Variants in PTPRG observed in about 807,000 individuals in gnomAD.
PTPRG encodes the protein receptor-type tyrosine-protein phosphatase gamma.
In PTPRG, 102 loss-of-function variants were observed where a neutral mutation model predicts 165.3. That is an observed-to-expected ratio of 0.62 (90% confidence interval 0.53 to 0.73). PTPRG has a LOEUF of 0.73. Among genes scored for constraint, PTPRG ranks in the 30% least tolerant of loss-of-function variants. The pLI is 0.00. For synonymous variants in PTPRG, 675 were observed against 669.5 expected (o/e 1.01, Z -0.13); for missense variants, 1,866 against 1,861.4 (o/e 1.00, Z -0.05).
At chr3:61,863,198 C>G (rs1157952176) in intron 2 of PTPRG, among the ~76,000 whole-genome samples, 1 of 152,178 alleles carries the variant, frequency 6.6e-6, no homozygotes, top group African/African-American at 2.4e-5. Flanking sequence ...GGGGCTTCCC[C>G]CTCTTTGAGC....
At chr3:61,997,104 A>C (rs901820833) in intron 3 of PTPRG, among the ~76,000 whole-genome samples, 6 of 152,220 alleles carry the variant, frequency 3.9e-5, no homozygotes, top group Non-Finnish European at 8.8e-5. Context: ...TCAGTTTAGC[A>C]GTGAGTTAAC....
chr3:61,798,760 A>T (rs1219994158), intron 2 of PTPRG, among the ~76,000 whole-genome samples: 1 of 151,926 alleles, frequency 6.6e-6, no homozygotes, highest in Non-Finnish European at 1.5e-5. Flanking sequence ...AGCCCATCTG[A>T]TAACTCAAGA....
At position 62,271,191 on chromosome 3, in the gene PTPRG, A is replaced by C. The variant is rs988185515; in HGVS notation, c.3010-192A>C. Among the ~76,000 whole-genome samples the C allele has an allele frequency of 6.6e-6, 1 of 152,224 alleles. No homozygotes were observed. The highest frequency in any genetic ancestry group is 2.4e-5 in the African/African-American group (1 of 41,460). ...GTCTTCTCTTCTAAGTGATAGTGAC[A>C]CTTCATATCCAGCTTGGTAATGTCT... On this transcript the variant is annotated intron_variant, in intron 20 of 29. Transcript: ENST00000474889. The surrounding 1 kb of genome is among the most constrained non-coding windows in gnomAD (Gnocchi z 4.1).
chr3:61,820,257 T>C (rs1456551371), intron 2 of PTPRG, among the ~76,000 whole-genome samples: 2 of 152,190 alleles, frequency 1.3e-5, no homozygotes, highest in African/African-American at 4.8e-5. Flanking sequence ...TTCCCATCTC[T>C]CTTGGAGGCC....
rs60282456 is a variant in PTPRG, at chr3:61,887,170, A to ATATATATATATATATATT, written c.191-102454_191-102453insATATATATATATATATTT. 1.7e-5 allele frequency among the ~76,000 whole-genome samples: 2 copies of ATATATATATATATATATT among 115,526 alleles called. 1 individual carries two copies. The highest frequency in any genetic ancestry group is 6.6e-4 in the East Asian group (2 of 3,028). 75.8% of individuals were successfully genotyped at this position (115,526 alleles called of 152,430 possible). On this transcript the variant is annotated intron_variant, in intron 2 of 29. Transcript: ENST00000474889. ...TATATATATATATATATATATATATATTTTTAATGCCATCATCAAACACTC... is the reference window on the plus strand; with the variant it reads ...TATATATATATATATATATATATATATATATATATATATATATTTTTTTAATGCCATCATCAAACACTC...
At chr3:62,058,407 G>C (rs1700700142) in intron 4 of PTPRG, among the ~76,000 whole-genome samples, 1 of 152,028 alleles carries the variant, frequency 6.6e-6, no homozygotes, top group African/African-American at 2.4e-5. Context: ...CTAACCTCAA[G>C]TGATCTTCCC....
intron 8 of PTPRG, among the ~76,000 whole-genome samples, chr3:62,186,817 A>C (rs1362639671): frequency 6.6e-6 from 1 of 151,804 alleles, no homozygotes; most frequent in African/African-American, 2.4e-5. Context: ...TCCACCCACC[A>C]TGGCCTCCCA....
intron 26 of PTPRG, among the ~76,000 whole-genome samples, chr3:62,281,322 G>A (rs183664665): frequency 9.9e-5 from 15 of 152,076 alleles, no homozygotes; most frequent in Non-Finnish European, 4.4e-5. Flanking sequence ...TATAGTGGGA[G>A]TGTTTCAGGT....
In PTPRG at chr3:61,678,464, G is replaced by A. The variant is rs149825635; in HGVS notation, c.86-70414G>A. On this transcript the variant is annotated intron_variant, in intron 1 of 29. Coordinates refer to ENST00000474889, the MANE Select transcript of PTPRG (RefSeq NM_002841.4). ...GGAGTCGGGTGGGGCTGGAATTGAC[G>A]GGAACAACCTGATGGTATCTCCCCA... is the stretch of plus-strand genomic sequence containing the variant. Among the ~76,000 whole-genome samples the A allele has an allele frequency of 8.5e-5, 13 of 152,108 alleles. 1 individual carries two copies. The highest frequency in any genetic ancestry group is 2.9e-5 in the Non-Finnish European group (2 of 68,016).
At chr3:61,911,187 A>G (rs898206099) in intron 2 of PTPRG, among the ~76,000 whole-genome samples, 1 of 152,092 alleles carries the variant, frequency 6.6e-6, no homozygotes, top group Admixed American at 6.5e-5. Context: ...GATACTTAAT[A>G]CATTTTTGGT....
chr3:62,103,467 C>T lies in PTPRG; in HGVS notation c.615+25209C>T, dbSNP rs182175301. ...TCCAGCGCCTGGGATTCCGGTCTCA[C>T]GGTTTTTAAACCTTTTTCCTGTTTC... On this transcript the variant is annotated intron_variant, in intron 5 of 29. Transcript: ENST00000474889. Among the ~76,000 whole-genome samples the T allele has an allele frequency of 2.7e-3, 413 of 152,310 alleles. 3 individuals carry two copies. The highest frequency in any genetic ancestry group is 0.012 in the South Asian group (56 of 4,818).
chr3:62,000,671 T>G lies in PTPRG; in HGVS notation c.371-2678T>G, dbSNP rs2041152512. ...CAAATAGTATTTGAGCCACCCCCGC[T>G]CTTCCTATTGTCCCTGCCTAATGAC... is the stretch of plus-strand genomic sequence containing the variant. On this transcript the variant is annotated intron_variant, in intron 3 of 29. Transcript: ENST00000474889. Among the ~76,000 whole-genome samples the G allele has an allele frequency of 2.0e-5, 3 of 152,212 alleles. No homozygotes were observed. In the South Asian group the frequency reaches 6.2e-4, roughly 32 times the overall value.
chr3:61,744,462 C>T lies in PTPRG; in HGVS notation c.86-4416C>T, dbSNP rs138166324. 7.3e-3 allele frequency among the ~76,000 whole-genome samples: 1,109 copies of T among 152,266 alleles called. 21 individuals are homozygous for T. The highest frequency in any genetic ancestry group is 0.025 in the African/African-American group (1,019 of 41,540). ...GCTACAAACCTGTACAATGTGTTAC[C>T]GTCCTGGATACTGTAGGTAATTGTA... On this transcript the variant is annotated intron_variant, in intron 1 of 29. Transcript: ENST00000474889.
chr3:61,790,008 C>T (rs918947791), intron 2 of PTPRG, among the ~76,000 whole-genome samples: 5 of 152,168 alleles, frequency 3.3e-5, no homozygotes, highest in South Asian at 2.1e-4. Flanking sequence ...CCATCAGGGT[C>T]GGCATGGCCG....
intron 2 of PTPRG, among the ~76,000 whole-genome samples, chr3:61,813,379 G>C (rs1362621688): frequency 6.7e-6 from 1 of 150,178 alleles, no homozygotes; most frequent in African/African-American, 2.4e-5. Flanking sequence ...GTTGGGTGTG[G>C]TGACATGCAC....
At chr3:62,095,937 A>G (rs1282669986) in intron 5 of PTPRG, among the ~76,000 whole-genome samples, 2 of 152,178 alleles carry the variant, frequency 1.3e-5, no homozygotes, top group African/African-American at 4.8e-5. Context: ...AAGCTAGAGC[A>G]TTGACTTCAC....
intron 2 of PTPRG, among the ~76,000 whole-genome samples, chr3:61,827,816 C>G (rs2036154904): frequency 6.6e-6 from 1 of 152,068 alleles, no homozygotes; most frequent in African/African-American, 2.4e-5. Context: ...GATACAGTTA[C>G]TTTAGAGATC....
chr3:62,056,393 G>C (rs1225408740), intron 4 of PTPRG, among the ~76,000 whole-genome samples: 1 of 152,066 alleles, frequency 6.6e-6, no homozygotes, highest in Non-Finnish European at 1.5e-5. Context: ...ACACAAATTT[G>C]TAAACTTTCT....
chr3:62,132,565 G>T (rs1703555514), intron 5 of PTPRG, 37 bp from the exon 6 acceptor site: 1 of 1,504,594 alleles, frequency 6.6e-7, no homozygotes, highest in African/African-American at 1.4e-5. Flanking sequence ...CCTGATGCCA[G>T]AATAGATTTA....
Sources: allele counts gnomAD v4.1 joint callset (sites outside exome capture counted in the v4.1 genomes callset), GRCh38; gene constraint gnomAD v4.1.1; non-coding constraint Gnocchi (gnomAD v3.1); transcripts MANE v1.5; gene names NCBI Gene and HGNC (gene_info 2026-07-23, HGNC 2026-07-21).